The following MYH13 variants were observed in gnomAD, a reference collection of about 807,000 sequenced individuals.
The protein encoded by MYH13 is myosin-13.
MYH13 carries 177 observed loss-of-function variants against 232.1 expected under a neutral mutation model. The observed-to-expected ratio is 0.76, with a 90% CI of 0.67 to 0.86. The LOEUF (loss-of-function observed/expected upper bound fraction) is 0.86, where lower values mean the gene tolerates loss of function less well. Among genes scored for constraint, MYH13 ranks in the 40% least tolerant of loss-of-function variants. The pLI, the probability that MYH13 is intolerant of heterozygous loss-of-function variation, is 0.00. For synonymous variants in MYH13, 884 were observed against 923.5 expected (o/e 0.96, Z 0.78); for missense variants, 2,246 against 2,405.9 (o/e 0.93, Z 1.39).
rs774083059 is a variant in MYH13, at chr17:10,340,367, C to T, written c.1929G>A (p.Lys643=). 1.2e-6 allele frequency: 2 copies of T among 1,613,952 alleles called. No individual in the cohort carries two copies. Among genetic ancestry groups the T allele is most frequent in the Non-Finnish European group, 1.7e-6 (2 of 1,179,858 alleles). The change falls in exon 17 of 41, where the codon AAG becomes AAA. Residue 643 remains lysine (K), a synonymous_variant. Coordinates refer to ENST00000252172, the MANE Select transcript of MYH13 (RefSeq NM_003802.3). ...ACACGGTCTGGAAAGAGGAGCCCTT[C>T]TTCTTCCCGCCCTTCTTGCTTCCTC... ...DSGGSKKGGK[K]KGSSFQTVSA... is the part of the protein sequence containing the mutation.
At chr17:10,358,028 T>A (rs1392443010) in intron 7 of MYH13, among the ~76,000 whole-genome samples, 1 of 152,036 alleles carries the variant, frequency 6.6e-6, no homozygotes, top group African/African-American at 2.4e-5. Flanking sequence ...CAGGTTCTTA[T>A]TAGCATAGCA....
intron 18 of MYH13, among the ~76,000 whole-genome samples, chr17:10,339,433 C>T (rs148611420): frequency 4.9e-4 from 74 of 152,306 alleles, no homozygotes; most frequent in African/African-American, 1.1e-3. Flanking sequence ...GAGATCAATA[C>T]GCGTATCTTG....
intron 33 of MYH13, among the ~76,000 whole-genome samples, 152 bp downstream of exon 33, chr17:10,310,951 C>G (rs139035770): frequency 2.6e-5 from 4 of 152,136 alleles, no homozygotes; most frequent in Non-Finnish European, 5.9e-5. Context: ...AGTAGCAGCC[C>G]GTGGATGTTT....
At chr17:10,338,689 G>GTTTTTTTTTTTTTTTTTT (rs757791680) in intron 18 of MYH13, among the ~76,000 whole-genome samples, 23 of 108,802 alleles carry the variant, frequency 2.1e-4, no homozygotes, top group Middle Eastern at 4.5e-3. Context: ...TTTTATCCTT[G>GTTTTTTTTTTTTTTTTTT]TTTTTTTTTT....
At position 10,364,506 on chromosome 17, in the gene MYH13, T is replaced by G; in HGVS notation, c.25A>C (p.Ile9Leu). Residue 9 changes from isoleucine (I) to leucine (L), a missense_variant, in exon 3 of 41, where the codon ATT becomes CTT. Ile to Leu is a conservative substitution (Grantham distance 5). Transcript: ENST00000252172. ...AGGTAGGGAGCTGCTTCTCCAAAAA[T>G]GGCCATTTCTGCGTCAGAGCTCATG... The part of the protein sequence containing the change: MSSDAEMA[I>L]FGEAAPYLRK... 6.2e-7 allele frequency: 1 copy of G among 1,602,564 alleles called. No individual in the cohort carries two copies. Among genetic ancestry groups the G allele is most frequent in the Non-Finnish European group, 8.5e-7 (1 of 1,173,856 alleles).
At chr17:10,324,391 C>CATGT in intron 22 of MYH13, 127 bp from the exon 23 acceptor site, 1 of 1,087,386 alleles carries the variant, frequency 9.2e-7, no homozygotes, top group South Asian at 1.5e-5. Context: ...CACACATGCA[C>CATGT]GCACATGTGC....
At position 10,372,964 on chromosome 17, in the gene MYH13, C is replaced by T. The variant is rs2071888083; in HGVS notation, c.-64+15G>A. On this transcript the variant is annotated intron_variant, in intron 1 of 40. Coordinates refer to ENST00000252172, the MANE Select transcript of MYH13 (RefSeq NM_003802.3). Reference sequence around the variant, plus strand: ...GCTACGTGGAGCAAAAAAGTGAGCACTTGTGAGCACTTACCTAGAGATGCT... The same window carrying T: ...GCTACGTGGAGCAAAAAAGTGAGCATTTGTGAGCACTTACCTAGAGATGCT... The T allele has an allele frequency of 6.6e-6, 1 of 152,162 alleles. No individual in the cohort carries two copies. Among genetic ancestry groups the T allele is most frequent in the Admixed American group, 6.5e-5 (1 of 15,284 alleles). 9.4% of individuals were successfully genotyped at this position (152,162 alleles called of 1,614,324 possible). A position where few individuals can be genotyped will look rare whatever the true frequency, so the allele number is the denominator to read the frequency against.
chr17:10,311,324 A>G (rs1345405507), intron 32 of MYH13, 97 bp from the exon 33 acceptor site: 3 of 1,454,472 alleles, frequency 2.1e-6, no homozygotes, highest in East Asian at 4.6e-5. Context: ...TTCATTCATG[A>G]CATTTATACA....
At position 10,312,294 on chromosome 17, in the gene MYH13, G is replaced by A. The variant is rs1055476149; in HGVS notation, c.4366-218C>T. Reference sequence around the variant, plus strand: ...ACAGACATTATAATCTCAGTGGAACGGAATTAGCTTTCACTAAAAATAAAA... The same window carrying A: ...ACAGACATTATAATCTCAGTGGAACAGAATTAGCTTTCACTAAAAATAAAA... On this transcript the variant is annotated intron_variant, in intron 31 of 40. Coordinates refer to ENST00000252172, the MANE Select transcript of MYH13 (RefSeq NM_003802.3). 3.3e-5 allele frequency among the ~76,000 whole-genome samples: 5 copies of A among 152,122 alleles called. No homozygotes were observed. In the South Asian group the frequency reaches 6.2e-4, roughly 19 times the overall value.
Position 10,322,778 on chromosome 17 carries a change from C to T in MYH13, c.2935-1070G>A, listed in dbSNP as rs184636483. ...CCTCCTGAGTAGCTGGGACTACAGG[C>T]GTCCGCCACCACGCCCGGCTAATTT... On this transcript the variant is annotated intron_variant, in intron 23 of 40. Transcript: ENST00000252172. Among the ~76,000 whole-genome samples the T allele has an allele frequency of 3.7e-3, 562 of 151,994 alleles. 4 individuals are homozygous for T. Among genetic ancestry groups the T allele is most frequent in the African/African-American group, 0.013 (546 of 41,466 alleles).
intron 27 of MYH13, among the ~76,000 whole-genome samples, chr17:10,317,238 G>C (rs1322095099): frequency 6.6e-6 from 1 of 152,134 alleles, no homozygotes; most frequent in Non-Finnish European, 1.5e-5. Flanking sequence ...CCGAGAGAGA[G>C]GTGTGGGAGG....
chr17:10,321,418 A>T, intron 24 of MYH13, 114 bp downstream of exon 24: 1 of 1,055,046 alleles, frequency 9.5e-7, no homozygotes. Flanking sequence ...ATCTGAATTT[A>T]GGGATGCTGA....
Position 10,345,673 on chromosome 17 carries a change from G to T in MYH13, c.1264-57C>A, listed in dbSNP as rs958253481. On this transcript the variant is annotated intron_variant, in intron 13 of 40. Coordinates refer to ENST00000252172, the MANE Select transcript of MYH13 (RefSeq NM_003802.3). ...GTTAGTGTTTCTATGGCTGCATTAA[G>T]TTGAAACATATGAAATTGACTCGAA... 22 of 1,612,454 alleles carry T rather than the reference G, an allele frequency of 1.4e-5. No individual in the cohort carries two copies. The African/African-American group carries it at 2.7e-4, about 20-fold the overall frequency.
At chr17:10,338,526 G>A (rs1189147873) in intron 18 of MYH13, among the ~76,000 whole-genome samples, 1 of 151,808 alleles carries the variant, frequency 6.6e-6, no homozygotes, top group Non-Finnish European at 1.5e-5. Context: ...TGTTCACAAT[G>A]TGCTCAGCCC....
At chr17:10,322,637 T>G (rs1034404572) in intron 23 of MYH13, among the ~76,000 whole-genome samples, 3 of 146,098 alleles carry the variant, frequency 2.1e-5, no homozygotes, top group African/African-American at 7.6e-5. Flanking sequence ...GTTGTTTTTT[T>G]TTTTTTTTTT....
intron 16 of MYH13, among the ~76,000 whole-genome samples, chr17:10,340,706 A>T (rs1429789019): frequency 1.3e-5 from 2 of 151,948 alleles, no homozygotes; most frequent in East Asian, 3.9e-4. Flanking sequence ...TTTAGTAGAG[A>T]TGAGATTTCA....
chr17:10,343,865 A>C lies in MYH13; in HGVS notation c.1829T>G (p.Leu610Arg). ...KDPLNETVVG[L>R]YQKSSLKLLS... is the part of the protein sequence containing the mutation. ...AAGCTTCAGCGAAGACTTCTGGTAC[A>C]GCCCCACCACAGTCTCGTTCAGGGG... The change falls in exon 16 of 41, where the codon CTG becomes CGG. Residue 610 changes from leucine (L) to arginine (R), a missense_variant. Leu to Arg is a moderately radical substitution (Grantham distance 102). Transcript: ENST00000252172. The C allele has an allele frequency of 6.2e-7, 1 of 1,614,078 alleles. No homozygotes were observed. Among genetic ancestry groups the C allele is most frequent in the South Asian group, 1.1e-5 (1 of 91,082 alleles).
intron 27 of MYH13, 66 bp downstream of exon 27, chr17:10,318,724 G>A (rs1399404308): frequency 7.5e-6 from 12 of 1,590,364 alleles, no homozygotes; most frequent in East Asian, 6.7e-5. Context: ...CAAATTACAC[G>A]TGCCCAGGGG....
At position 10,330,507 on chromosome 17, in the gene MYH13, C is replaced by G; in HGVS notation, c.2315G>C (p.Gly772Ala). Residue 772 changes from glycine (G) to alanine (A), a missense_variant, in exon 21 of 41, where the codon GGG (glycine) becomes GCG (alanine). Gly to Ala is a moderately conservative substitution (Grantham distance 60). Coordinates refer to ENST00000252172, the MANE Select transcript of MYH13 (RefSeq NM_003802.3). Reference sequence around the variant, plus strand: ...CATCTCCTCCAAAAGTCCCAGGAGCCCAGCTTTGAAAAACACCTGCATTAA... The same window carrying G: ...CATCTCCTCCAAAAGTCCCAGGAGCGCAGCTTTGAAAAACACCTGCATTAA... ...FGNTKVFFKA[G>A]LLGLLEEMRD... 6.2e-7 allele frequency: 1 copy of G among 1,610,112 alleles called. No homozygotes were observed. Among genetic ancestry groups the G allele is most frequent in the South Asian group, 1.1e-5 (1 of 90,298 alleles).
Sources: allele counts gnomAD v4.1 joint callset (sites outside exome capture counted in the v4.1 genomes callset), GRCh38; gene constraint gnomAD v4.1.1; transcripts MANE v1.5; gene names NCBI Gene and HGNC (gene_info 2026-07-23, HGNC 2026-07-21).